Variants in TGM6 observed in about 807,000 individuals in gnomAD.
TGM6 encodes the protein transglutaminase 6.
TGM6 carries 74 observed loss-of-function variants against 77.5 expected under a neutral mutation model. The observed-to-expected ratio is 0.96, with a 90% CI of 0.79 to 1.16. TGM6 has a LOEUF of 1.16. Among genes scored for constraint, TGM6 ranks in the 50% most tolerant of loss-of-function variants. TGM6 has a pLI of 0.00. For synonymous variants in TGM6, 383 were observed against 378.9 expected, an observed-to-expected ratio of 1.01 and a Z score of -0.12; for missense variants, 968 against 940.2, an observed-to-expected ratio of 1.03 and a Z score of -0.39.
In TGM6 at chr20:2,395,134, C is replaced by G. The variant is rs2084654590; in HGVS notation, c.182-60C>G. The G allele has an allele frequency of 5.0e-6, 8 of 1,594,542 alleles. No individual in the cohort carries two copies. In the South Asian group the frequency reaches 9.0e-5, roughly 18 times the overall value. On this transcript the variant is annotated intron_variant, in intron 2 of 12. Coordinates refer to ENST00000202625, the MANE Select transcript of TGM6 (RefSeq NM_198994.3). ...GCTTCCAGGCCTGTAGCTTTTTTCA[C>G]TTCTCTAAAGCTGGGTTTCCCAGGG...
At chr20:2,418,095 C>A (rs997005288) in intron 10 of TGM6, among the ~76,000 whole-genome samples, 5 of 152,068 alleles carry the variant, frequency 3.3e-5, no homozygotes, top group African/African-American at 1.2e-4. Flanking sequence ...TCACTGCAAC[C>A]TCCACCTCCC....
At chr20:2,391,786 C>T (rs1440661747) in intron 1 of TGM6, among the ~76,000 whole-genome samples, 2 of 152,152 alleles carry the variant, frequency 1.3e-5, no homozygotes, top group Non-Finnish European at 1.5e-5. Context: ...TGGCTGACTA[C>T]GGCCCTTAGG....
intron 4 of TGM6, 101 bp downstream of exon 4, chr20:2,396,725 G>T: frequency 9.1e-7 from 1 of 1,098,222 alleles, no homozygotes; most frequent in South Asian, 1.3e-5. Context: ...GGAGGGACAA[G>T]GGGGGCTCAC....
intron 4 of TGM6, 73 bp from the exon 5 acceptor site, chr20:2,397,845 G>A (rs992420940): frequency 1.2e-6 from 2 of 1,613,044 alleles, no homozygotes; most frequent in East Asian, 4.5e-5. Context: ...GACTGACCGG[G>A]TGAGGGCTGT....
At chr20:2,411,537 AATG>A (rs1044635941) in intron 9 of TGM6, among the ~76,000 whole-genome samples, 124 of 152,334 alleles carry the variant, frequency 8.1e-4, no homozygotes, top group African/African-American at 2.8e-3. Context: ...CTACAGCTAA[AATG>A]ATACTTAATA....
Position 2,417,539 on chromosome 20 carries a change from T to C in TGM6, c.1644T>C (p.His548=). 1.2e-6 allele frequency: 2 copies of C among 1,605,206 alleles called. No individual in the cohort carries two copies. The highest frequency in any genetic ancestry group is 2.7e-5 in the African/African-American group (2 of 75,044). The part of the protein sequence containing the change: ...YTRKPVAEIL[H]ESHAVRLGPQ... ...GCAAGCCAGTGGCAGAGATCCTGCATGAATCCCACGCCGTGAGGCTGGGGC... is the reference window on the plus strand; with the variant it reads ...GCAAGCCAGTGGCAGAGATCCTGCACGAATCCCACGCCGTGAGGCTGGGGC... The change falls in exon 10 of 13, where the codon CAT becomes CAC. Residue 548 remains histidine, a synonymous_variant. Transcript: ENST00000202625.
intron 9 of TGM6, among the ~76,000 whole-genome samples, chr20:2,411,078 A>G (rs1340916898): frequency 1.3e-5 from 2 of 152,206 alleles, no homozygotes; most frequent in East Asian, 3.8e-4. Flanking sequence ...AATTATTCCA[A>G]AAAGTAGAAG....
chr20:2,428,669 ATAT>A (rs1422516902), intron 10 of TGM6, among the ~76,000 whole-genome samples: 1 of 150,954 alleles, frequency 6.6e-6, no homozygotes, highest in Non-Finnish European at 1.5e-5. Flanking sequence ...ATCAATAATA[ATAT>A]ATTATCAATA....
intron 4 of TGM6, among the ~76,000 whole-genome samples, chr20:2,397,196 T>C (rs902487714): frequency 6.6e-6 from 1 of 152,124 alleles, no homozygotes; most frequent in African/African-American, 2.4e-5. Flanking sequence ...CGTGATATTG[T>C]AGTTGGGTCT....
At chr20:2,431,076 T>A in intron 12 of TGM6, 49 bp downstream of exon 12, 2 of 1,576,136 alleles carry the variant, frequency 1.3e-6, no homozygotes, top group Non-Finnish European at 1.7e-6. Flanking sequence ...CTCTTCCTTG[T>A]GGATGAGCCA....
intron 10 of TGM6, among the ~76,000 whole-genome samples, chr20:2,422,990 A>T (rs969441071): frequency 2.1e-4 from 31 of 150,094 alleles, no homozygotes; most frequent in African/African-American, 7.1e-4. Flanking sequence ...ACCTTCACTG[A>T]GTCATAATCT....
intron 9 of TGM6, among the ~76,000 whole-genome samples, chr20:2,404,799 C>T (rs978706870): frequency 1.3e-5 from 2 of 152,064 alleles, no homozygotes. Flanking sequence ...CGCCACCATG[C>T]CCAGCTAATT....
Position 2,397,918 on chromosome 20 carries a change from T to C in TGM6, c.544T>C (p.Phe182Leu). ...IRAQGWNYGQ[F>L]EEDILNICLS... The stretch of plus-strand genomic sequence containing the variant: ...TAAGCACAGCCTCTCTGGGGAGCAG[T>C]TTGAGGAGGACATCCTGAACATCTG... The change falls in exon 5 of 13, where the codon TTT becomes CTT. Residue 182 changes from phenylalanine (F) to leucine (L), a missense_variant and splice_region_variant. Transcript: ENST00000202625. 5.6e-6 allele frequency: 9 copies of C among 1,614,052 alleles called. No individual in the cohort carries two copies. The highest frequency in any genetic ancestry group is 7.6e-6 in the Non-Finnish European group (9 of 1,179,970).
rs745910487 is a variant in TGM6, at chr20:2,417,330, C to T, written c.1435C>T (p.Arg479Cys). The change falls in exon 10 of 13, where the codon CGC becomes TGC. Residue 479 changes from arginine (R) to cysteine (C), a missense_variant. Arg to Cys is a radical substitution (Grantham distance 180, BLOSUM62 -3). Coordinates refer to ENST00000202625, the MANE Select transcript of TGM6 (RefSeq NM_198994.3). ...AATCTGGATCCGCAGGGCTGGGGGT[C>T]GCTGTCTCTGGCGTGACGACCTCCT... ...RRIWIRRAGG[R>C]CLWRDDLLEP... 7.4e-6 allele frequency: 12 copies of T among 1,612,810 alleles called. No individual in the cohort carries two copies. In the South Asian group the frequency reaches 7.7e-5, roughly 10 times the overall value.
intron 12 of TGM6, among the ~76,000 whole-genome samples, chr20:2,432,205 C>T (rs553747658): frequency 6.6e-6 from 1 of 152,164 alleles, no homozygotes; most frequent in South Asian, 2.1e-4. Context: ...TGCACCACTG[C>T]ACCCGGCTAA....
chr20:2,418,802 C>T (rs759846046), intron 10 of TGM6, among the ~76,000 whole-genome samples: 5 of 152,052 alleles, frequency 3.3e-5, no homozygotes, highest in Non-Finnish European at 5.9e-5. Context: ...TGAGGCCGGG[C>T]GCGGTGGCTC....
chr20:2,396,539 G>T lies in TGM6; in HGVS notation c.458G>T (p.Arg153Ile). ...DDVFLASEEE[R>I]QEYVLSDSGI... ...GTGTTTCTGGCCTCAGAGGAGGAGA[G>T]ACAGGAGTACGTGCTCAGCGACAGC... The change falls in exon 4 of 13, where the codon AGA becomes ATA. Residue 153 changes from arginine (R) to isoleucine (I), a missense_variant. By Grantham distance (97) the Arg-to-Ile change is moderately conservative (BLOSUM62 -3). Transcript: ENST00000202625. 1 of 1,614,204 alleles carries T rather than the reference G, an allele frequency of 6.2e-7. No homozygotes were observed. Among genetic ancestry groups the T allele is most frequent in the African/African-American group, 1.3e-5 (1 of 75,048 alleles).
chr20:2,402,626 C>T (rs752704890), intron 7 of TGM6, among the ~76,000 whole-genome samples: 3 of 152,172 alleles, frequency 2.0e-5, no homozygotes, highest in Non-Finnish European at 2.9e-5. Context: ...GTTCTGAGGC[C>T]GGCTGTAAAG....
rs757439955 is a variant in TGM6, at chr20:2,417,316, G to A, written c.1421G>A (p.Arg474His). 9.9e-6 allele frequency: 16 copies of A among 1,613,504 alleles called. No homozygotes were observed. Among genetic ancestry groups the A allele is most frequent in the Non-Finnish European group, 1.4e-5 (16 of 1,179,892 alleles). Residue 474 changes from arginine to histidine, a missense_variant, in exon 10 of 13, where the codon CGC (arginine) becomes CAC (histidine). Transcript: ENST00000202625. ...VEASGRRIWI[R>H]RAGGRCLWRD... ...GCCTCTGGAAGGAGAATCTGGATCC[G>A]CAGGGCTGGGGGTCGCTGTCTCTGG...
Sources: allele counts gnomAD v4.1 joint callset (sites outside exome capture counted in the v4.1 genomes callset), GRCh38; gene constraint gnomAD v4.1.1; transcripts MANE v1.5; gene names NCBI Gene and HGNC (gene_info 2026-07-23, HGNC 2026-07-21).